DLG2: variants seen among roughly 807,000 people sequenced by gnomAD.
DLG2 encodes disks large homolog 2.
Under a neutral mutation model 132.5 loss-of-function variants are expected in DLG2, and 45 were observed. That is an observed-to-expected ratio of 0.34 (90% CI 0.27 to 0.44). DLG2 has a LOEUF of 0.44. DLG2 is among the 20% of genes least tolerant of loss of function. The pLI is 1.00. For missense variants in DLG2, 1,045 were observed against 1,196.9 expected (o/e 0.87, Z 1.87); for synonymous variants, 424 against 419.6 (o/e 1.01, Z -0.13).
chr11:85,299,798 G>T (rs547583605), intron 3 of DLG2, among the ~76,000 whole-genome samples: 1 of 152,282 alleles, frequency 6.6e-6, no homozygotes, highest in South Asian at 2.1e-4. Context: ...CCCATGCGAT[G>T]CTGGTGTTGC....
intron 7 of DLG2, among the ~76,000 whole-genome samples, chr11:84,252,693 T>C (rs181212151): frequency 6.6e-5 from 10 of 152,332 alleles, no homozygotes; most frequent in African/African-American, 1.4e-4. Flanking sequence ...TTCATGAATA[T>C]TGAGTAGAGC....
intron 6 of DLG2, among the ~76,000 whole-genome samples, chr11:84,768,588 A>T (rs766265380): frequency 8.5e-5 from 13 of 152,284 alleles, no homozygotes; most frequent in Non-Finnish European, 1.5e-4. Context: ...TCATTGGTAT[A>T]TGTCTACCCC....
At chr11:83,633,760 A>G (rs2064033993) in intron 18 of DLG2, among the ~76,000 whole-genome samples, 1 of 145,744 alleles carries the variant, frequency 6.9e-6, no homozygotes, top group Non-Finnish European at 1.5e-5. Context: ...ACACACACAC[A>G]CACACACACA....
chr11:83,630,785 T>A (rs1162733342), intron 19 of DLG2, among the ~76,000 whole-genome samples: 2 of 152,092 alleles, frequency 1.3e-5, no homozygotes, highest in African/African-American at 2.4e-5. Context: ...CTGTCTCTGT[T>A]CTCCTCAGGT....
chr11:83,840,215 C>T (rs1171352523), intron 16 of DLG2, among the ~76,000 whole-genome samples: 1 of 152,186 alleles, frequency 6.6e-6, no homozygotes, highest in Non-Finnish European at 1.5e-5. Context: ...GCATCTATTG[C>T]AGCATGTTTT....
intron 8 of DLG2, among the ~76,000 whole-genome samples, chr11:84,204,687 C>G (rs562153356): frequency 1.0e-3 from 152 of 152,182 alleles, no homozygotes; most frequent in Non-Finnish European, 1.9e-3. Flanking sequence ...CAATGCTTGC[C>G]ATTGATATAC....
intron 3 of DLG2, among the ~76,000 whole-genome samples, chr11:85,363,483 T>C (rs2084311742): frequency 6.6e-6 from 1 of 152,236 alleles, no homozygotes; most frequent in African/African-American, 2.4e-5. Flanking sequence ...TTAACTATGT[T>C]GTCTAATATT....
intron 7 of DLG2, among the ~76,000 whole-genome samples, chr11:84,461,870 C>T (rs1039944518): frequency 6.6e-6 from 1 of 150,468 alleles, no homozygotes; most frequent in South Asian, 2.1e-4. Flanking sequence ...GTTTCTAACA[C>T]CTGGCACAAC....
At chr11:85,465,262 C>A in intron 3 of DLG2, among the ~76,000 whole-genome samples, 1 of 151,372 alleles carries the variant, frequency 6.6e-6, no homozygotes, top group East Asian at 1.9e-4. Context: ...CCCACCTCAG[C>A]CTCCCAAGTA....
At chr11:85,252,725 T>C (rs530847428) in intron 4 of DLG2, among the ~76,000 whole-genome samples, 2 of 152,226 alleles carry the variant, frequency 1.3e-5, no homozygotes, top group South Asian at 2.1e-4. Context: ...ACATATTTTA[T>C]GTATTTATAT....
intron 6 of DLG2, among the ~76,000 whole-genome samples, chr11:84,602,987 TC>T (rs1380257679): frequency 6.6e-6 from 1 of 151,992 alleles, no homozygotes; most frequent in Non-Finnish European, 1.5e-5. Flanking sequence ...ATTAGAAAAT[TC>T]TAATTTAGAA....
chr11:84,237,305 A>G (rs2097171058), intron 8 of DLG2, among the ~76,000 whole-genome samples: 1 of 152,192 alleles, frequency 6.6e-6, no homozygotes, highest in South Asian at 2.1e-4. Flanking sequence ...AGACATCAGC[A>G]AAAGTATTAG....
At chr11:84,532,177 A>C (rs2099344479) in intron 7 of DLG2, among the ~76,000 whole-genome samples, 1 of 141,708 alleles carries the variant, frequency 7.1e-6, no homozygotes, top group Non-Finnish European at 1.5e-5. Flanking sequence ...TAATTATAAT[A>C]GCACTAATTA....
At chr11:84,288,476 C>G (rs1047947630) in intron 7 of DLG2, among the ~76,000 whole-genome samples, 6 of 151,980 alleles carry the variant, frequency 3.9e-5, no homozygotes, top group African/African-American at 1.4e-4. Context: ...AGATATTTTG[C>G]AGTTATTTGT....
At chr11:83,945,993 C>CTTT (rs765410972) in intron 14 of DLG2, among the ~76,000 whole-genome samples, 10 of 72,002 alleles carry the variant, frequency 1.4e-4, no homozygotes, top group South Asian at 8.7e-4. Flanking sequence ...CTCTCTCTCT[C>CTTT]TTTTTTTTTT....
chr11:84,737,149 A>C (rs911405790), intron 6 of DLG2, among the ~76,000 whole-genome samples: 2 of 151,834 alleles, frequency 1.3e-5, no homozygotes, highest in African/African-American at 4.8e-5. Flanking sequence ...TTAGGTGATT[A>C]ATATGGTGAT....
intron 6 of DLG2, among the ~76,000 whole-genome samples, chr11:84,879,675 T>C (rs2086976043): frequency 6.6e-6 from 1 of 152,150 alleles, no homozygotes. Flanking sequence ...GGACGTTCAA[T>C]TGTCAATAAT....
intron 3 of DLG2, among the ~76,000 whole-genome samples, chr11:85,422,524 T>C (rs1027608808): frequency 7.7e-6 from 1 of 129,510 alleles, no homozygotes; most frequent in Non-Finnish European, 1.7e-5. Flanking sequence ...GTCCATTGTT[T>C]CCTGAAGTTT....
intron 16 of DLG2, among the ~76,000 whole-genome samples, chr11:83,856,852 T>C (rs541698936): frequency 6.6e-6 from 1 of 152,326 alleles, no homozygotes; most frequent in South Asian, 2.1e-4. Context: ...TGCCAGTTTT[T>C]GCTTTGGTGT....
Sources: gnomAD v4.1 joint callset for allele counts (sites outside exome capture counted in the v4.1 genomes callset) on GRCh38, gnomAD v4.1.1 for gene constraint, MANE v1.5 for transcripts, NCBI Gene and HGNC (gene_info 2026-07-23, HGNC 2026-07-21) for gene names.